CSGALNACT1: variants seen among roughly 807,000 people sequenced by gnomAD.
CSGALNACT1 encodes beta4GalNAcT-1.
In CSGALNACT1, 52 loss-of-function variants were observed where a neutral mutation model predicts 51.0. The observed-to-expected ratio is 1.02, with a 90% confidence interval of 0.82 to 1.29. The LOEUF (loss-of-function observed/expected upper bound fraction) is 1.29, where lower values mean the gene tolerates loss of function less well. CSGALNACT1 is among the 50% of genes most tolerant of loss of function. The pLI is 0.00. For missense variants in CSGALNACT1, 935 were observed against 679.2 expected (o/e 1.38, Z -4.19); for synonymous variants, 341 against 254.4 (o/e 1.34, Z -3.24).
rs191893360 is a variant in CSGALNACT1, at chr8:19,499,768, G to A, written c.634+5433C>T. Among the ~76,000 whole-genome samples the A allele has an allele frequency of 2.6e-3, 402 of 152,312 alleles. 7 individuals are homozygous for A. Among genetic ancestry groups the A allele is most frequent in the Admixed American group, 0.026 (395 of 15,302 alleles). On this transcript the variant is annotated intron_variant, in intron 4 of 9. Transcript: ENST00000454498. The stretch of plus-strand genomic sequence containing the variant: ...AGCTACACAGTTTGCAGGGCCCAGT[G>A]TAAAATGAAAATGTGGGGCCCCTTA...
intron 3 of CSGALNACT1, among the ~76,000 whole-genome samples, chr8:19,521,474 G>GGAGT (rs2080689175): frequency 6.6e-6 from 1 of 152,154 alleles, no homozygotes; most frequent in South Asian, 2.1e-4. Context: ...CTTGAGGTCA[G>GGAGT]GAGTTTGAGA....
chr8:19,678,719 T>C (rs570887982), intron 1 of CSGALNACT1: 64 of 152,254 alleles, frequency 4.2e-4, no homozygotes, highest in African/African-American at 1.5e-3. Flanking sequence ...AGAAATTCCA[T>C]ACGTTTTGAC....
chr8:19,675,361 C>A (rs2060098687), intron 1 of CSGALNACT1, among the ~76,000 whole-genome samples: 1 of 152,164 alleles, frequency 6.6e-6, no homozygotes, highest in African/African-American at 2.4e-5. Flanking sequence ...AGGGTGGGCA[C>A]CAGTCACAGA....
chr8:19,574,681 C>T (rs575860605), intron 3 of CSGALNACT1, among the ~76,000 whole-genome samples: 1 of 152,186 alleles, frequency 6.6e-6, no homozygotes, highest in South Asian at 2.1e-4. Context: ...TTCAAGGAGC[C>T]CTACTGCCAT....
At chr8:19,594,807 C>T (rs953980552) in intron 2 of CSGALNACT1, among the ~76,000 whole-genome samples, 1 of 152,032 alleles carries the variant, frequency 6.6e-6, no homozygotes, top group Non-Finnish European at 1.5e-5. Flanking sequence ...CCACCTTGGC[C>T]TTCCACAGTG....
intron 3 of CSGALNACT1, among the ~76,000 whole-genome samples, chr8:19,515,101 G>A (rs973960979): frequency 3.3e-5 from 5 of 151,882 alleles, no homozygotes; most frequent in Admixed American, 2.6e-4. Context: ...CCATTCCTTC[G>A]GGAACCCAGC....
intron 3 of CSGALNACT1, among the ~76,000 whole-genome samples, chr8:19,530,080 G>T (rs62493888): frequency 0.21 from 32,466 of 151,800 alleles, 3,815 homozygotes; most frequent in African/African-American, 0.32. Flanking sequence ...TAATTAGCCA[G>T]GCATAGTGGT....
At chr8:19,615,273 A>C (rs2052842169) in intron 1 of CSGALNACT1, among the ~76,000 whole-genome samples, 1 of 152,218 alleles carries the variant, frequency 6.6e-6, no homozygotes, top group Non-Finnish European at 1.5e-5. Context: ...ACTGTACTCC[A>C]GCCTGGGGGA....
intron 1 of CSGALNACT1, among the ~76,000 whole-genome samples, chr8:19,646,306 C>A (rs2057274067): frequency 6.6e-6 from 1 of 152,166 alleles, no homozygotes; most frequent in Non-Finnish European, 1.5e-5. Flanking sequence ...CTCCAGCCAT[C>A]CCCAGAGGCT....
At chr8:19,408,540 C>T (rs2054843638) in intron 9 of CSGALNACT1, 73 bp downstream of exon 8, 1 of 1,059,222 alleles carries the variant, frequency 9.4e-7, no homozygotes, top group Non-Finnish European at 1.4e-6. Flanking sequence ...CCTTGGAAAC[C>T]CTACTTGATT....
At chr8:19,587,641 A>G (rs2046938184) in intron 3 of CSGALNACT1, among the ~76,000 whole-genome samples, 1 of 152,220 alleles carries the variant, frequency 6.6e-6, no homozygotes, top group Non-Finnish European at 1.5e-5. Flanking sequence ...TAAGTACCTT[A>G]TTACATACAG....
At chr8:19,707,051 C>T (rs577403760) in intron 1 of CSGALNACT1, among the ~76,000 whole-genome samples, 4 of 152,132 alleles carry the variant, frequency 2.6e-5, no homozygotes, top group East Asian at 3.9e-4. Context: ...GAAGCTCTTA[C>T]CAGCACCCAG....
chr8:19,617,430 C>G (rs2053185357), intron 1 of CSGALNACT1, among the ~76,000 whole-genome samples: 1 of 152,134 alleles, frequency 6.6e-6, no homozygotes, highest in South Asian at 2.1e-4. Flanking sequence ...TACAGCAATG[C>G]AAGAACACCC....
At chr8:19,429,306 A>C (rs181090540) in intron 6 of CSGALNACT1, among the ~76,000 whole-genome samples, 186 of 152,012 alleles carry the variant, frequency 1.2e-3, no homozygotes, top group Non-Finnish European at 2.2e-3. Context: ...CCTCCCCAGT[A>C]CCTGGGATTA....
At chr8:19,431,350 T>C (rs2059623191) in intron 6 of CSGALNACT1, among the ~76,000 whole-genome samples, 1 of 152,140 alleles carries the variant, frequency 6.6e-6, no homozygotes, top group Non-Finnish European at 1.5e-5. Context: ...CTTCTAGTCC[T>C]AGTTTGAGGA....
chr8:19,732,142 T>C (rs2063726371), intron 1 of CSGALNACT1, among the ~76,000 whole-genome samples: 1 of 152,222 alleles, frequency 6.6e-6, no homozygotes, highest in Non-Finnish European at 1.5e-5. Flanking sequence ...TCTCCCTTTT[T>C]TCTAGAAATT....
At chr8:19,569,248 G>A (rs907207547) in intron 3 of CSGALNACT1, among the ~76,000 whole-genome samples, 1 of 152,178 alleles carries the variant, frequency 6.6e-6, no homozygotes, top group Non-Finnish European at 1.5e-5. Context: ...TAATGTGCTT[G>A]ACTATTTAGG....
intron 3 of CSGALNACT1, among the ~76,000 whole-genome samples, chr8:19,526,577 G>T (rs2081752809): frequency 6.6e-6 from 1 of 151,902 alleles, no homozygotes; most frequent in East Asian, 1.9e-4. Context: ...GCGAGACTCT[G>T]TTTCAAAATA....
chr8:19,601,841 G>T (rs776116357), exon 2 of CSGALNACT1: 6 of 453,942 alleles, frequency 1.3e-5, no homozygotes, highest in South Asian at 6.2e-5. Context: ...TTACCTTGGC[G>T]TCTTTCCTTG....
Sources: gnomAD v4.1 joint callset for allele counts (sites outside exome capture counted in the v4.1 genomes callset) on GRCh38, gnomAD v4.1.1 for gene constraint, MANE v1.5 for transcripts, NCBI Gene and HGNC (gene_info 2026-07-23, HGNC 2026-07-21) for gene names.